TMEM120B: variants seen among roughly 807,000 people sequenced by gnomAD.
The protein encoded by TMEM120B is transmembrane protein 120B.
A neutral mutation model predicts 55.5 loss-of-function variants in TMEM120B; 31 were observed. The observed-to-expected ratio is 0.56, with a 90% CI of 0.42 to 0.75. The LOEUF (loss-of-function observed/expected upper bound fraction) is 0.75. Among genes scored for constraint, TMEM120B ranks in the 30% least tolerant of loss-of-function variants. The pLI, the probability that TMEM120B is intolerant of heterozygous loss-of-function variation, is 0.00. For missense variants in TMEM120B, 399 were observed against 425.5 expected (o/e 0.94, Z 0.55); for synonymous variants, 203 against 176.3 (o/e 1.15, Z -1.20).
rs1335949278 is a variant in TMEM120B, at chr12:121,748,394, G to A, written c.257G>A (p.Arg86Gln). 14 of 1,610,742 alleles carry A rather than the reference G, an allele frequency of 8.7e-6. No homozygotes were observed. Among genetic ancestry groups the A allele is most frequent in the African/African-American group, 2.7e-5 (2 of 74,768 alleles). ...VQQMAANIKE[R>Q]QDVFFDMEAY... ...CAGATGGCAGCGAACATCAAGGAGC[G>A]GCAGGACGTCTTCTTCGACATGGAG... The change falls in exon 3 of 12, where the codon CGG becomes CAG. Residue 86 changes from arginine to glutamine, a missense_variant. By Grantham distance (43) the Arg-to-Gln change is conservative (BLOSUM62 1). Transcript: ENST00000449592.
intron 5 of TMEM120B, 58 bp from the exon 6 acceptor site, chr12:121,761,591 G>T: frequency 1.5e-6 from 2 of 1,331,632 alleles, no homozygotes; most frequent in Non-Finnish European, 2.2e-6. Context: ...GTGAGGGTGG[G>T]ATGGCTGTGC....
In TMEM120B at chr12:121,761,604, G is replaced by T. The variant is rs954807484; in HGVS notation, c.462-45G>T. 7 of 1,486,244 alleles carry T rather than the reference G, an allele frequency of 4.7e-6. No homozygotes were observed. The African/African-American group carries it at 8.3e-5, about 18-fold the overall frequency. 92.1% of individuals were successfully genotyped at this position (1,486,244 alleles called of 1,614,324 possible). Reference sequence around the variant, plus strand: ...AGGTGAGGGTGGGATGGCTGTGCCTGGTTCTCACGCCCGCACCCCTCCCGG... The same window carrying T: ...AGGTGAGGGTGGGATGGCTGTGCCTTGTTCTCACGCCCGCACCCCTCCCGG... On this transcript the variant is annotated intron_variant, in intron 5 of 11. Transcript: ENST00000449592.
intron 1 of TMEM120B, among the ~76,000 whole-genome samples, chr12:121,720,079 C>T (rs1250118805): frequency 6.6e-6 from 1 of 152,184 alleles, no homozygotes; most frequent in African/African-American, 2.4e-5. Flanking sequence ...AGCTCTTTCA[C>T]AGCTGATGAC....
Position 121,728,063 on chromosome 12 carries a change from AGTG to A in TMEM120B, c.69+15103_69+15105del, listed in dbSNP as rs542114291. 7.9e-5 allele frequency among the ~76,000 whole-genome samples: 12 copies of A among 150,972 alleles called. No individual in the cohort carries two copies. In the East Asian group the frequency reaches 2.4e-3, roughly 31 times the overall value. ...CACTCTGTCGCCCAGGCTAGAGTGC[AGTG>A]GTGTGATCTCGGTTCACTGCGCCCT... On this transcript the variant is annotated intron_variant, in intron 1 of 11. Coordinates refer to ENST00000449592, the MANE Select transcript of TMEM120B (RefSeq NM_001080825.2).
At chr12:121,723,797 A>G (rs546373617) in intron 1 of TMEM120B, among the ~76,000 whole-genome samples, 1 of 151,914 alleles carries the variant, frequency 6.6e-6, no homozygotes, top group Admixed American at 6.6e-5. Flanking sequence ...TGTGTGTACT[A>G]TTCCTTCTTT....
intron 1 of TMEM120B, among the ~76,000 whole-genome samples, chr12:121,731,978 C>A (rs2954114): frequency 0.56 from 84,591 of 151,940 alleles, 24,754 homozygotes; most frequent in African/African-American, 0.75. Context: ...CTCTATTAAA[C>A]ATACAAAAAT....
In TMEM120B at chr12:121,780,312, C is replaced by G. The variant is rs991542689; in HGVS notation, c.*4590C>G. On this transcript the variant is annotated 3_prime_UTR_variant, in exon 12 of 12. Coordinates refer to ENST00000449592, the MANE Select transcript of TMEM120B (RefSeq NM_001080825.2). Reference sequence around the variant, plus strand: ...ACCTCAGGTGATTCGCCCGCCTCGGCCTCCCAAAGTGCTGGGATTACAGGC... The same window carrying G: ...ACCTCAGGTGATTCGCCCGCCTCGGGCTCCCAAAGTGCTGGGATTACAGGC... The G allele has an allele frequency of 1.9e-5, 3 of 159,046 alleles. No individual in the cohort carries two copies. The highest frequency in any genetic ancestry group is 7.2e-5 in the African/African-American group (3 of 41,596). 9.9% of individuals were successfully genotyped at this position (159,046 alleles called of 1,614,324 possible). A position where few individuals can be genotyped will look rare whatever the true frequency, so the allele number is the denominator to read the frequency against.
At chr12:121,750,989 C>T (rs1304125321) in intron 4 of TMEM120B, among the ~76,000 whole-genome samples, 1 of 94,064 alleles carries the variant, frequency 1.1e-5, no homozygotes, top group Admixed American at 1.1e-4. Context: ...CCACACCCCA[C>T]ACCCCACACC....
rs777583224 is a variant in TMEM120B, at chr12:121,779,684, C to T, written c.*3962C>T. ...GGCCCTGGGTGGGGGGAGGAGCCAG[C>T]ATTAGGTGAGGGGCCCCTGGAGGTC... On this transcript the variant is annotated 3_prime_UTR_variant, in exon 12 of 12. Transcript: ENST00000449592. The T allele has an allele frequency of 5.0e-6, 8 of 1,612,624 alleles. No individual in the cohort carries two copies. In the East Asian group the frequency reaches 1.1e-4, roughly 22 times the overall value.
chr12:121,779,364 A>G lies in TMEM120B; in HGVS notation c.*3642A>G. ...CAGCCAGGAAAGGAGAGAGTTCCAGAATGTTCCAAGAGTCTAGCCGCAGGC... is the reference window on the plus strand; with the variant it reads ...CAGCCAGGAAAGGAGAGAGTTCCAGGATGTTCCAAGAGTCTAGCCGCAGGC... On this transcript the variant is annotated 3_prime_UTR_variant, in exon 12 of 12. Transcript: ENST00000449592. 5.4e-6 allele frequency: 5 copies of G among 931,298 alleles called. No homozygotes were observed. The highest frequency in any genetic ancestry group is 6.3e-6 in the Non-Finnish European group (4 of 633,950). The allele number at this position is 931,298 out of a possible 1,614,324, so 57.7% of individuals were successfully genotyped here. A position where few individuals can be genotyped will look rare whatever the true frequency, so the allele number is the denominator to read the frequency against.
chr12:121,779,539 CCTT>C lies in TMEM120B; in HGVS notation c.*3822_*3824del. The C allele has an allele frequency of 1.2e-6, 2 of 1,613,178 alleles. No individual in the cohort carries two copies. The highest frequency in any genetic ancestry group is 1.7e-6 in the Non-Finnish European group (2 of 1,179,394). ...AGCCGGCGCTTCTTCTGCCGTTGCG[CCTT>C]CTTCAGAGCGCTGAGAGCCACCTTG... On this transcript the variant is annotated 3_prime_UTR_variant, in exon 12 of 12. Coordinates refer to ENST00000449592, the MANE Select transcript of TMEM120B (RefSeq NM_001080825.2).
At chr12:121,721,476 C>CT (rs775746188) in intron 1 of TMEM120B, among the ~76,000 whole-genome samples, 167 of 143,862 alleles carry the variant, frequency 1.2e-3, no homozygotes, top group African/African-American at 2.8e-3. Context: ...CCTGGTCCTC[C>CT]TTTTTTTTTT....
chr12:121,770,404 C>CA (rs1874000799), intron 6 of TMEM120B, among the ~76,000 whole-genome samples: 1 of 152,090 alleles, frequency 6.6e-6, no homozygotes, highest in South Asian at 2.1e-4. Flanking sequence ...CAGTCACGGA[C>CA]GTTCTAAGGT....
intron 1 of TMEM120B, among the ~76,000 whole-genome samples, chr12:121,727,336 G>A (rs1894914272): frequency 6.6e-6 from 1 of 151,408 alleles, no homozygotes; most frequent in Non-Finnish European, 1.5e-5. Context: ...AGGAGTTTGA[G>A]ACCAGCCTGG....
chr12:121,774,912 C>T (rs910721434), intron 10 of TMEM120B, 150 bp from the exon 11 acceptor site: 40 of 1,091,966 alleles, frequency 3.7e-5, no homozygotes, highest in East Asian at 2.6e-4. Context: ...GCCCTGGCCT[C>T]GGGTGCCTGC....
intron 1 of TMEM120B, among the ~76,000 whole-genome samples, chr12:121,733,364 C>T (rs1289249624): frequency 6.6e-6 from 1 of 151,246 alleles, no homozygotes; most frequent in African/African-American, 2.4e-5. Context: ...CCTGCCTCAG[C>T]CTCCCAAGTA....
intron 1 of TMEM120B, among the ~76,000 whole-genome samples, chr12:121,722,239 C>G (rs1214090980): frequency 6.6e-6 from 1 of 151,998 alleles, no homozygotes; most frequent in Admixed American, 6.6e-5. Context: ...GTTGGTATTA[C>G]AGGCGTGTGC....
rs376481602 is a variant in TMEM120B, at chr12:121,776,954, CTT to C, written c.*1249_*1250del. The C allele has an allele frequency of 0.18, 24,264 of 132,186 alleles. 3,566 individuals carry two copies. The highest frequency in any genetic ancestry group is 0.41 in the African/African-American group (13,909 of 33,900). The allele number at this position is 132,186 out of a possible 1,614,324, so 8.2% of individuals were successfully genotyped here. ...AATCACACACCACCATGCCCTGCTC[CTT>C]TTTTTTTTTTTTTTTTGAGATGGGA... On this transcript the variant is annotated 3_prime_UTR_variant, in exon 12 of 12. Transcript: ENST00000449592.
At chr12:121,767,409 C>G (rs1873885252) in intron 6 of TMEM120B, among the ~76,000 whole-genome samples, 1 of 152,214 alleles carries the variant, frequency 6.6e-6, no homozygotes, top group South Asian at 2.1e-4. Context: ...ATCTGCCCGC[C>G]TCGGCCTCCC....
Sources: gnomAD v4.1 joint callset for allele counts (sites outside exome capture counted in the v4.1 genomes callset) on GRCh38, gnomAD v4.1.1 for gene constraint, MANE v1.5 for transcripts, NCBI Gene and HGNC (gene_info 2026-07-23, HGNC 2026-07-21) for gene names.